CCND3: variants seen among roughly 807,000 people sequenced by gnomAD.
The protein encoded by CCND3 is G1/S-specific cyclin-D3.
In CCND3, 9 loss-of-function variants were observed where a neutral mutation model predicts 28.7. The observed-to-expected ratio is 0.31, with a 90% CI of 0.19 to 0.55. The LOEUF (loss-of-function observed/expected upper bound fraction) is 0.55, where lower values mean the gene tolerates loss of function less well. Among genes scored for constraint, CCND3 ranks in the 20% least tolerant of loss-of-function variants. The pLI is 0.93. For missense variants in CCND3, 315 were observed against 385.8 expected, an observed-to-expected ratio of 0.82 and a Z score of 1.54; for synonymous variants, 164 against 163.9, an observed-to-expected ratio of 1.00 and a Z score of 0.00.
intron 1 of CCND3, among the ~76,000 whole-genome samples, chr6:41,980,037 A>ACACACACACACACACACACACACAC (rs1554162943): frequency 8.5e-5 from 1 of 11,798 alleles, no homozygotes; most frequent in Non-Finnish European, 2.8e-4. Context: ...CACACACACA[A>ACACACACACACACACACACACACAC]TCAAACCTTT....
At chr6:42,017,871 C>A (rs960654848) in intron 1 of CCND3, among the ~76,000 whole-genome samples, 3 of 152,168 alleles carry the variant, frequency 2.0e-5, no homozygotes, top group Admixed American at 2.0e-4. Context: ...CAAAATGTGG[C>A]CGGGTGTGGT....
chr6:41,949,217 C>T (rs1285570751), intron 1 of CCND3, among the ~76,000 whole-genome samples: 6 of 152,168 alleles, frequency 3.9e-5, no homozygotes, highest in South Asian at 2.1e-4. Context: ...TGTGGTGGCT[C>T]ATGCCTGTAA....
chr6:41,959,451 A>T (rs1042800099), intron 1 of CCND3, among the ~76,000 whole-genome samples: 1 of 152,062 alleles, frequency 6.6e-6, no homozygotes, highest in Non-Finnish European at 1.5e-5. Flanking sequence ...TTGGGAGGCC[A>T]AGGTGGGCAG....
At chr6:41,946,595 C>CAAAAAAAAAAAAAA (rs35369019), upstream of CCND3, among the ~76,000 whole-genome samples, 2 of 20,932 alleles carry the variant, frequency 9.6e-5, no homozygotes, top group Non-Finnish European at 1.7e-4. Context: ...AGACCTGTCT[C>CAAAAAAAAAAAAAA]AAAAAAAAAA....
chr6:42,008,977 G>C (rs1317434312), intron 1 of CCND3, among the ~76,000 whole-genome samples: 3 of 152,220 alleles, frequency 2.0e-5, no homozygotes, highest in Admixed American at 6.5e-5. Flanking sequence ...CGTGGGAATA[G>C]GGAACATGCA....
intron 2 of CCND3, among the ~76,000 whole-genome samples, chr6:41,940,141 CAGG>C (rs1226250706): frequency 2.0e-5 from 3 of 152,144 alleles, no homozygotes; most frequent in South Asian, 4.1e-4. Context: ...CCCTGGAGGT[CAGG>C]AGGAGGGGGT....
intron 1 of CCND3, among the ~76,000 whole-genome samples, chr6:42,022,958 G>T (rs905392813): frequency 1.3e-5 from 2 of 152,198 alleles, no homozygotes; most frequent in Admixed American, 1.3e-4. Flanking sequence ...TGTGGGGATA[G>T]GACTAAGAGG....
chr6:42,006,645 A>T (rs1452930534), intron 1 of CCND3, among the ~76,000 whole-genome samples: 1 of 152,204 alleles, frequency 6.6e-6, no homozygotes, highest in Non-Finnish European at 1.5e-5. Flanking sequence ...GCGGTGGCCC[A>T]TGCCTGTAAT....
At chr6:41,981,767 A>G (rs9296373) in intron 1 of CCND3, among the ~76,000 whole-genome samples, 149,731 of 151,216 alleles carry the variant, frequency 0.99, 74,140 homozygotes, top group Middle Eastern at 1. Context: ...CAGGCAATCC[A>G]CCCACCTCAG....
intron 1 of CCND3, among the ~76,000 whole-genome samples, chr6:41,984,459 C>G (rs6458256): frequency 0.99 from 150,815 of 152,282 alleles, 74,692 homozygotes; most frequent in Middle Eastern, 1. Context: ...TGATTCTCCT[C>G]TCTCAGCCTC....
chr6:42,044,957 G>GTTTTTTTTTT (rs1231639248), intron 1 of CCND3, among the ~76,000 whole-genome samples: 1 of 47,146 alleles, frequency 2.1e-5, no homozygotes, highest in African/African-American at 5.6e-5. Flanking sequence ...CCCGGCTAAC[G>GTTTTTTTTTT]TTTTTTTTTT....
At chr6:41,943,225 A>G (rs1345741445), upstream of CCND3, among the ~76,000 whole-genome samples, 1 of 152,192 alleles carries the variant, frequency 6.6e-6, no homozygotes, top group Non-Finnish European at 1.5e-5. Flanking sequence ...ATTCTTTTAC[A>G]TTGTAGAAAA....
intron 1 of CCND3, among the ~76,000 whole-genome samples, chr6:41,946,994 C>A (rs1776187793): frequency 6.6e-6 from 1 of 152,060 alleles, no homozygotes; most frequent in Middle Eastern, 3.4e-3. Context: ...CCGAGGCGGG[C>A]AGATCACGAG....
chr6:42,009,741 A>AAG (rs2127426763), intron 1 of CCND3, among the ~76,000 whole-genome samples: 1 of 152,310 alleles, frequency 6.6e-6, no homozygotes, highest in East Asian at 1.9e-4. Context: ...CAGGAGGTGG[A>AAG]GGTTGCAGTG....
chr6:41,997,514 T>C (rs6927373), intron 1 of CCND3, among the ~76,000 whole-genome samples: 149,116 of 152,170 alleles, frequency 0.98, 73,125 homozygotes, highest in East Asian at 1. Context: ...GGGTAAATTA[T>C]AATGGCCTCT....
intron 2 of CCND3, 109 bp from the exon 3 acceptor site, chr6:41,937,503 C>T (rs974504163): frequency 7.8e-7 from 1 of 1,286,228 alleles, no homozygotes; most frequent in Admixed American, 2.2e-5. Context: ...CTTTTAAAGC[C>T]CAAGACCCCA....
Position 41,936,995 on chromosome 6 carries a change from T to G in CCND3, c.574+240A>C. ...GGTTCTGTTCCCAACCTGTTCACTG[T>G]GAGACCTTGGGCAAGTCACTTCTCT... On this transcript the variant is annotated intron_variant, in intron 3 of 4. Transcript: ENST00000372991. This position sits in a 1 kb window ranked among gnomAD's most constrained non-coding sequence, Gnocchi z 4.4. The G allele has an allele frequency of 1.7e-6, 1 of 603,018 alleles. No homozygotes were observed. Among genetic ancestry groups the G allele is most frequent in the Admixed American group, 2.9e-5 (1 of 33,978 alleles). 37.4% of individuals were successfully genotyped at this position (603,018 alleles called of 1,614,324 possible).
chr6:41,986,955 T>G (rs1452874579), intron 1 of CCND3, among the ~76,000 whole-genome samples: 1 of 152,074 alleles, frequency 6.6e-6, no homozygotes, highest in Non-Finnish European at 1.5e-5. Flanking sequence ...GAGATTCATC[T>G]TCATAGTATA....
chr6:42,025,729 G>A (rs1763857583), intron 1 of CCND3, among the ~76,000 whole-genome samples: 1 of 152,190 alleles, frequency 6.6e-6, no homozygotes, highest in East Asian at 1.9e-4. Flanking sequence ...GAGTCACAAG[G>A]GTGGCTCTCT....
Sources: allele counts gnomAD v4.1 joint callset (sites outside exome capture counted in the v4.1 genomes callset), GRCh38; gene constraint gnomAD v4.1.1; non-coding constraint Gnocchi (gnomAD v3.1); transcripts MANE v1.5; gene names NCBI Gene and HGNC (gene_info 2026-07-23, HGNC 2026-07-21).